LRRTM4: variants seen among roughly 807,000 people sequenced by gnomAD.
LRRTM4 encodes the protein leucine-rich repeat transmembrane neuronal protein 4.
A neutral mutation model predicts 47.6 loss-of-function variants in LRRTM4; 25 were observed. The ratio of observed to expected loss-of-function variants is 0.53; its 90% CI spans 0.38 to 0.73. The LOEUF (loss-of-function observed/expected upper bound fraction) is 0.73, where lower values mean the gene tolerates loss of function less well. Ranked by LOEUF, LRRTM4 falls within the 30% of genes least tolerant of loss-of-function variation. LRRTM4 has a pLI of 0.00. For missense variants in LRRTM4, 638 were observed against 713.4 expected (o/e 0.89, Z 1.20); for synonymous variants, 311 against 269.5 (o/e 1.15, Z -1.51).
chr2:77,186,494 T>C (rs914566646), intron 3 of LRRTM4, among the ~76,000 whole-genome samples: 1 of 152,142 alleles, frequency 6.6e-6, no homozygotes, highest in African/African-American at 2.4e-5. Context: ...ACTTAATAAG[T>C]GTTTGCCAAA....
intron 3 of LRRTM4, among the ~76,000 whole-genome samples, chr2:77,018,873 A>G (rs1229831049): frequency 2.6e-5 from 4 of 152,176 alleles, no homozygotes; most frequent in African/African-American, 7.2e-5. Context: ...TTTAAGGTAC[A>G]GGAATATTTT....
intron 3 of LRRTM4, among the ~76,000 whole-genome samples, chr2:77,115,560 T>G (rs1306191447): frequency 6.6e-6 from 1 of 152,006 alleles, no homozygotes; most frequent in African/African-American, 2.4e-5. Context: ...CTGCCTTGCC[T>G]CCAGCCGGTC....
chr2:77,195,114 G>T (rs1673773522), intron 3 of LRRTM4, among the ~76,000 whole-genome samples: 1 of 151,524 alleles, frequency 6.6e-6, no homozygotes, highest in Non-Finnish European at 1.5e-5. Context: ...ATATCCCTTT[G>T]GTTTCATGTA....
At chr2:77,072,705 A>G (rs1269392576) in intron 3 of LRRTM4, among the ~76,000 whole-genome samples, 1 of 147,358 alleles carries the variant, frequency 6.8e-6, no homozygotes, top group Non-Finnish European at 1.5e-5. Context: ...AGGCTGAGGC[A>G]GGAGAATCGC....
intron 3 of LRRTM4, among the ~76,000 whole-genome samples, chr2:77,252,974 G>A (rs1675663193): frequency 6.6e-6 from 1 of 151,932 alleles, no homozygotes; most frequent in Non-Finnish European, 1.5e-5. Flanking sequence ...TTAAATCTAT[G>A]TAAAATTGCC....
At position 76,995,270 on chromosome 2, in the gene LRRTM4, T is replaced by C. The variant is rs546380682; in HGVS notation, c.1552-246354A>G. On this transcript the variant is annotated intron_variant, in intron 3 of 3. Coordinates refer to ENST00000409884, the MANE Select transcript of LRRTM4 (RefSeq NM_001134745.3). ...AAAGTAGCATATTCAAGAGCAATTATTGAACTACTTTTCTGCCTTTGAATT... is the reference window on the plus strand; with the variant it reads ...AAAGTAGCATATTCAAGAGCAATTACTGAACTACTTTTCTGCCTTTGAATT... Among the ~76,000 whole-genome samples, 24 of 152,224 alleles carry C rather than the reference T, an allele frequency of 1.6e-4. No individual in the cohort carries two copies. The East Asian group carries it at 2.1e-3, about 14-fold the overall frequency.
chr2:76,819,233 A>G (rs1038477561), intron 3 of LRRTM4, among the ~76,000 whole-genome samples: 18 of 145,650 alleles, frequency 1.2e-4, no homozygotes, highest in African/African-American at 4.0e-4. Flanking sequence ...TATATATTAT[A>G]TCATAGAATG....
intron 3 of LRRTM4, among the ~76,000 whole-genome samples, chr2:77,415,292 TC>T (rs996763031): frequency 5.3e-5 from 8 of 152,174 alleles, no homozygotes; most frequent in African/African-American, 1.7e-4. Flanking sequence ...GAAATACATT[TC>T]TTCATGCTAA....
At chr2:76,922,709 G>T (rs113733187) in intron 3 of LRRTM4, among the ~76,000 whole-genome samples, 50 of 152,096 alleles carry the variant, frequency 3.3e-4, no homozygotes, top group African/African-American at 1.1e-3. Flanking sequence ...GTACAGCATG[G>T]GTGCTACAAC....
chr2:77,070,414 ATATATTT>A (rs1020121234), intron 3 of LRRTM4, among the ~76,000 whole-genome samples: 1 of 152,126 alleles, frequency 6.6e-6, no homozygotes, highest in Non-Finnish European at 1.5e-5. Context: ...CTCTCTATAT[ATATATTT>A]TAAAGATAAA....
chr2:77,068,575 T>C (rs996365316), intron 3 of LRRTM4, among the ~76,000 whole-genome samples: 2 of 152,260 alleles, frequency 1.3e-5, no homozygotes, highest in South Asian at 2.1e-4. Flanking sequence ...ATTTTCTGTC[T>C]GGCTTCCTTT....
chr2:77,273,830 A>G (rs1676268897), intron 3 of LRRTM4, among the ~76,000 whole-genome samples: 1 of 152,138 alleles, frequency 6.6e-6, no homozygotes, highest in Non-Finnish European at 1.5e-5. Context: ...TCATGTATTG[A>G]TTGACTTTAC....
chr2:76,987,265 A>G (rs1676834015), intron 3 of LRRTM4: 1 of 151,922 alleles, frequency 6.6e-6, no homozygotes, highest in African/African-American at 2.4e-5. Flanking sequence ...CACTTATAAC[A>G]TGCAAGGAAA....
intron 3 of LRRTM4, among the ~76,000 whole-genome samples, chr2:77,490,841 A>C (rs1678125459): frequency 6.6e-6 from 1 of 152,200 alleles, no homozygotes; most frequent in Admixed American, 6.5e-5. Flanking sequence ...TCTTTGTTTT[A>C]GGAAGAACAA....
chr2:77,267,133 A>C (rs1676070945), intron 3 of LRRTM4, among the ~76,000 whole-genome samples: 1 of 152,178 alleles, frequency 6.6e-6, no homozygotes, highest in Admixed American at 6.6e-5. Context: ...TTATCTGCAG[A>C]AATCCCCCAG....
At chr2:77,328,086 T>G (rs1050102760) in intron 3 of LRRTM4, among the ~76,000 whole-genome samples, 1 of 152,212 alleles carries the variant, frequency 6.6e-6, no homozygotes, top group Admixed American at 6.5e-5. Context: ...TTGCATTTCT[T>G]ACTACATACT....
chr2:77,092,137 A>ACG (rs1175420708), intron 3 of LRRTM4, among the ~76,000 whole-genome samples: 13 of 152,182 alleles, frequency 8.5e-5, no homozygotes, highest in Admixed American at 3.3e-4. Context: ...CTCATACCTG[A>ACG]CGCATATACT....
chr2:76,946,937 G>A (rs1325164261), intron 3 of LRRTM4, among the ~76,000 whole-genome samples: 1 of 151,894 alleles, frequency 6.6e-6, no homozygotes, highest in Non-Finnish European at 1.5e-5. Flanking sequence ...TGGACAGAAG[G>A]AAGAAAGGCC....
rs1365279014 is a variant in LRRTM4, at chr2:77,432,424, TG to T, written c.1551+85893del. The stretch of plus-strand genomic sequence containing the variant: ...TAGCTATGATTATGTCAAATAATTG[TG>T]GAAGATGAATTTTTTGGCAAATTTT... On this transcript the variant is annotated intron_variant, in intron 3 of 3. Transcript: ENST00000409884. Among the ~76,000 whole-genome samples the T allele has an allele frequency of 9.2e-5, 14 of 152,348 alleles. No homozygotes were observed. In the East Asian group the frequency reaches 2.3e-3, roughly 25 times the overall value.
Sources: gnomAD v4.1 joint callset for allele counts (sites outside exome capture counted in the v4.1 genomes callset) on GRCh38, gnomAD v4.1.1 for gene constraint, MANE v1.5 for transcripts, NCBI Gene and HGNC (gene_info 2026-07-23, HGNC 2026-07-21) for gene names.